The following PNPLA7 variants were observed in gnomAD, a reference collection of about 807,000 sequenced individuals.
PNPLA7 encodes the protein patatin-like phospholipase domain-containing protein 7.
Under a neutral mutation model 161.7 loss-of-function variants are expected in PNPLA7, and 153 were observed. The observed-to-expected ratio is 0.95, with a 90% confidence interval of 0.83 to 1.08. The LOEUF (loss-of-function observed/expected upper bound fraction) is 1.08, where lower values mean the gene tolerates loss of function less well. PNPLA7 is among the 50% of genes least tolerant of loss of function. The pLI is 0.00. For missense variants in PNPLA7, 1,739 were observed against 1,856.6 expected (o/e 0.94, Z 1.16); for synonymous variants, 809 against 782.1 (o/e 1.03, Z -0.57).
rs1193433407 is a variant in PNPLA7, at chr9:137,543,496, T to A, written c.442A>T (p.Thr148Ser). The A allele has an allele frequency of 6.2e-7, 1 of 1,614,016 alleles. No homozygotes were observed. Among genetic ancestry groups the A allele is most frequent in the Non-Finnish European group, 8.5e-7 (1 of 1,180,006 alleles). ...PPPSLLEADL[T>S]EFDVKNSHLP... The stretch of plus-strand genomic sequence containing the variant: ...TGAGAATTCTTCACGTCAAACTCCG[T>A]GAGGTCGGCCTCCAGCAGGGAGGGC... Residue 148 changes from threonine to serine, a missense_variant, in exon 6 of 35, where the codon ACG becomes TCG. By Grantham distance (58) the Thr-to-Ser change is moderately conservative (BLOSUM62 1). Around this residue, in one of 6 missense-constraint regions of PNPLA7, gnomAD observed 209 missense variants for 252.8 expected, o/e 0.83. Transcript: ENST00000406427. The surrounding 1 kb of genome is among the most constrained non-coding windows in gnomAD (Gnocchi z 6.9).
intron 30 of PNPLA7, 68 bp downstream of exon 30, chr9:137,462,617 C>T: frequency 5.1e-6 from 8 of 1,569,530 alleles, no homozygotes; most frequent in South Asian, 3.5e-5. Flanking sequence ...ACTCCCCTGC[C>T]GCAGGACAGG....
chr9:137,520,455 A>G lies in PNPLA7; in HGVS notation c.958-412T>C, dbSNP rs1297075917. Among the ~76,000 whole-genome samples the G allele has an allele frequency of 6.6e-6, 1 of 152,246 alleles. No homozygotes were observed. The highest frequency in any genetic ancestry group is 1.5e-5 in the Non-Finnish European group (1 of 68,040). On this transcript the variant is annotated intron_variant, in intron 10 of 34. Transcript: ENST00000406427. The surrounding 1 kb of genome is among the most constrained non-coding windows in gnomAD (Gnocchi z 5.2). ...TCTTCATTAAAACAAAAGATAATGT[A>G]GAAAACAAAAAGATATTCCCTTAAT...
intron 25 of PNPLA7, among the ~76,000 whole-genome samples, chr9:137,477,143 G>A (rs1269261705): frequency 1.3e-5 from 2 of 152,370 alleles, no homozygotes; most frequent in Admixed American, 6.5e-5. Context: ...GCAGCGGTAG[G>A]AGGCTCCGCC....
intron 20 of PNPLA7, among the ~76,000 whole-genome samples, chr9:137,487,590 C>G (rs1241958495): frequency 1.3e-5 from 2 of 152,248 alleles, no homozygotes; most frequent in African/African-American, 4.8e-5. Flanking sequence ...CCTGGGGGCT[C>G]TTAGGTCTTT....
intron 4 of PNPLA7, among the ~76,000 whole-genome samples, chr9:137,545,077 G>C (rs1260259124): frequency 6.6e-6 from 1 of 152,150 alleles, no homozygotes; most frequent in Non-Finnish European, 1.5e-5. Context: ...AGCACCTCCT[G>C]GGCCCTTCAG....
At chr9:137,464,278 G>C in intron 27 of PNPLA7, 62 bp downstream of exon 27, 4 of 1,606,386 alleles carry the variant, frequency 2.5e-6, no homozygotes, top group Non-Finnish European at 3.4e-6. Context: ...GGGCCAAGAG[G>C]TGGGGGGCCA....
rs773270623 is a variant in PNPLA7 at position 137,537,448 on chromosome 9, G to A, written c.747+3194C>T. Among the ~76,000 whole-genome samples the A allele has an allele frequency of 6.6e-5, 10 of 152,104 alleles. No homozygotes were observed. The highest frequency in any genetic ancestry group is 1.3e-4 in the Non-Finnish European group (9 of 68,030). On this transcript the variant is annotated intron_variant, in intron 8 of 34. Coordinates refer to ENST00000406427, the MANE Select transcript of PNPLA7 (RefSeq NM_001098537.3). This position sits in a 1 kb window ranked among gnomAD's most constrained non-coding sequence, Gnocchi z 4.5. ...TTCTCCTGCCTCAGCCTCCCGAGTAGCTGGGATAACAGGCACCCGCCACCA... is the reference window on the plus strand; with the variant it reads ...TTCTCCTGCCTCAGCCTCCCGAGTAACTGGGATAACAGGCACCCGCCACCA...
intron 26 of PNPLA7, chr9:137,464,700 C>A: frequency 1.9e-6 from 1 of 531,864 alleles, no homozygotes; most frequent in Non-Finnish European, 3.4e-6. Context: ...ATCCCTAAGC[C>A]CTCGCTGGCC....
chr9:137,516,103 C>T (rs1313650992), intron 11 of PNPLA7, among the ~76,000 whole-genome samples: 2 of 24,470 alleles, frequency 8.2e-5, no homozygotes, highest in African/African-American at 4.2e-4. Flanking sequence ...CCCCCATGCG[C>T]CCCACCCCCA....
chr9:137,462,858 C>A (rs763694583), intron 29 of PNPLA7, 25 bp from the exon 30 acceptor site: 4 of 1,611,742 alleles, frequency 2.5e-6, no homozygotes, highest in Non-Finnish European at 3.4e-6. Flanking sequence ...GCCCTGGTTA[C>A]CCCCTGGACA....
At position 137,543,171 on chromosome 9, in the gene PNPLA7, C is replaced by A. The variant is rs1050948858; in HGVS notation, c.506+261G>T. 6.6e-6 allele frequency among the ~76,000 whole-genome samples: 1 copy of A among 152,188 alleles called. No individual in the cohort carries two copies. The highest frequency in any genetic ancestry group is 1.5e-5 in the Non-Finnish European group (1 of 68,036). ...AGAACCCAGGCTCCAGGCTTTGGAT[C>A]CACCACACCCTTCTTGCTCTTGCCC... On this transcript the variant is annotated intron_variant, in intron 6 of 34. Transcript: ENST00000406427. This position sits in a 1 kb window ranked among gnomAD's most constrained non-coding sequence, Gnocchi z 6.9.
chr9:137,504,317 T>C (rs1009777323), intron 14 of PNPLA7, among the ~76,000 whole-genome samples: 5 of 152,258 alleles, frequency 3.3e-5, no homozygotes, highest in East Asian at 3.9e-4. Flanking sequence ...GTTCAAGCAA[T>C]TCTCCTGCCT....
Position 137,501,633 on chromosome 9 carries a change from C to G in PNPLA7, c.1551+17G>C, listed in dbSNP as rs201358792. 3.1e-5 allele frequency: 50 copies of G among 1,610,220 alleles called. No individual in the cohort carries two copies. Among genetic ancestry groups the G allele is most frequent in the Middle Eastern group, 1.6e-4 (1 of 6,072 alleles). On this transcript the variant is annotated intron_variant, in intron 15 of 34. Transcript: ENST00000406427. ...GCATTGGGTGGTCCCAGTGCCCCCC[C>G]CCAGACCCCCGCTCACCTGGTCTCC...
intron 4 of PNPLA7, among the ~76,000 whole-genome samples, chr9:137,546,165 G>T (rs1366842440): frequency 6.6e-6 from 1 of 152,136 alleles, no homozygotes; most frequent in Admixed American, 6.5e-5. Context: ...CTGATATGCA[G>T]AAATAATGGC....
chr9:137,461,890 C>G (rs373722532), intron 32 of PNPLA7, 41 bp downstream of exon 32: 1 of 1,456,154 alleles, frequency 6.9e-7, no homozygotes. Flanking sequence ...GAACTGGGCG[C>G]GGTCCGGGGA....
intron 1 of PNPLA7, among the ~76,000 whole-genome samples, chr9:137,549,569 C>CA (rs57732454): frequency 0.55 from 52,726 of 95,672 alleles, 13,441 homozygotes; most frequent in African/African-American, 0.62. Flanking sequence ...GACTCCGTCT[C>CA]AAAAAAAAAA....
chr9:137,464,312 G>A, intron 27 of PNPLA7, 28 bp downstream of exon 27: 1 of 1,608,024 alleles, frequency 6.2e-7, no homozygotes, highest in Non-Finnish European at 8.5e-7. Flanking sequence ...ACTGGGGGCT[G>A]CATGGGCTCC....
chr9:137,546,572 G>C (rs1029928149), intron 4 of PNPLA7, among the ~76,000 whole-genome samples: 3 of 152,328 alleles, frequency 2.0e-5, no homozygotes, highest in African/African-American at 7.2e-5. Context: ...CCAGGCCAGG[G>C]GGAGTAGAGG....
intron 11 of PNPLA7, among the ~76,000 whole-genome samples, chr9:137,518,891 AC>A (rs761906463): frequency 4.4e-5 from 4 of 90,478 alleles, no homozygotes; most frequent in Non-Finnish European, 2.1e-5. Flanking sequence ...ATCCTCACTC[AC>A]TCACTCCACT....
Sources: gnomAD v4.1 joint callset for allele counts (sites outside exome capture counted in the v4.1 genomes callset) on GRCh38, gnomAD v4.1.1 for gene constraint, gnomAD v4.1.1 regional missense constraint, Gnocchi (gnomAD v3.1) non-coding constraint, MANE v1.5 for transcripts, NCBI Gene and HGNC (gene_info 2026-07-23, HGNC 2026-07-21) for gene names.